IQSEC1: variants seen among roughly 807,000 people sequenced by gnomAD.
The protein encoded by IQSEC1 is IQ motif and SEC7 domain-containing protein 1.
Under a neutral mutation model 91.0 loss-of-function variants are expected in IQSEC1, and 31 were observed. The observed-to-expected ratio is 0.34, with a 90% CI of 0.26 to 0.46. IQSEC1 has a LOEUF of 0.46. Ranked by LOEUF, IQSEC1 falls within the 20% of genes least tolerant of loss-of-function variation. The probability of loss-of-function intolerance (pLI) is 1.00; values close to 1 mark genes in which losing one functional copy is unlikely to be tolerated. For missense variants in IQSEC1, 1,388 were observed against 1,575.6 expected (o/e 0.88, Z 2.02); for synonymous variants, 699 against 662.6 (o/e 1.05, Z -0.84).
At chr3:13,060,479 T>C (rs1705026872) in intron 1 of IQSEC1, among the ~76,000 whole-genome samples, 1 of 152,180 alleles carries the variant, frequency 6.6e-6, no homozygotes, top group Non-Finnish European at 1.5e-5. Flanking sequence ...TCCTGCAGTC[T>C]CAGGGCCTGA....
intron 2 of IQSEC1, among the ~76,000 whole-genome samples, chr3:13,126,744 G>T (rs1706518735): frequency 6.6e-6 from 1 of 152,106 alleles, no homozygotes; most frequent in Non-Finnish European, 1.5e-5. Context: ...ATGCCACTTT[G>T]GTTTTAATTT....
At chr3:13,130,322 C>T (rs1211698241) in intron 2 of IQSEC1, among the ~76,000 whole-genome samples, 2 of 124,916 alleles carry the variant, frequency 1.6e-5, no homozygotes, top group South Asian at 2.5e-4. Context: ...GCAGCCTGGG[C>T]GACAGAACGA....
chr3:13,073,137 A>G lies in IQSEC1; in HGVS notation c.-123T>C. On this transcript the variant is annotated 5_prime_UTR_variant, in exon 1 of 14. Transcript: ENST00000613206. The stretch of plus-strand genomic sequence containing the variant: ...GGGAATAAAATTAAATCGCGGGGCG[A>G]GTCACATTCCCGGGGGTGGCGGGCT... 3 of 990,180 alleles carry G rather than the reference A, an allele frequency of 3.0e-6. No homozygotes were observed. Among genetic ancestry groups the G allele is most frequent in the Admixed American group, 2.3e-5 (1 of 43,826 alleles). 61.3% of individuals were successfully genotyped at this position (990,180 alleles called of 1,614,324 possible).
chr3:13,033,545 T>A (rs1170888704), intron 1 of IQSEC1, among the ~76,000 whole-genome samples: 1 of 152,130 alleles, frequency 6.6e-6, no homozygotes, highest in Non-Finnish European at 1.5e-5. Flanking sequence ...ATATATTTTT[T>A]AAAATAAGGA....
At chr3:12,944,874 C>T (rs901020401) in intron 1 of IQSEC1, among the ~76,000 whole-genome samples, 3 of 152,222 alleles carry the variant, frequency 2.0e-5, no homozygotes, top group Admixed American at 6.5e-5. Flanking sequence ...GTGGGACCCT[C>T]ACTGTGCTGC....
chr3:13,093,451 A>G (rs975539529), intron 2 of IQSEC1, among the ~76,000 whole-genome samples: 1 of 152,060 alleles, frequency 6.6e-6, no homozygotes, highest in Non-Finnish European at 1.5e-5. Context: ...CTTCCTCCAC[A>G]GGAGGAGCTG....
chr3:13,141,165 T>A (rs932408848), intron 2 of IQSEC1, among the ~76,000 whole-genome samples: 4 of 152,186 alleles, frequency 2.6e-5, no homozygotes, highest in Non-Finnish European at 1.5e-5. Flanking sequence ...AACAACAGAT[T>A]GAAACTGGGC....
chr3:12,905,258 C>T (rs1160411150), intron 12 of IQSEC1, among the ~76,000 whole-genome samples: 1 of 152,270 alleles, frequency 6.6e-6, no homozygotes. Context: ...TCTTGAAGGG[C>T]TCCCAGGATG....
intron 1 of IQSEC1, among the ~76,000 whole-genome samples, chr3:13,196,518 G>A (rs942986574): frequency 5.9e-5 from 9 of 152,194 alleles, no homozygotes; most frequent in African/African-American, 1.7e-4. Context: ...TCCTGTCACT[G>A]CAGCATTTCC....
At chr3:13,039,102 C>T (rs1704155827) in intron 1 of IQSEC1, among the ~76,000 whole-genome samples, 1 of 152,238 alleles carries the variant, frequency 6.6e-6, no homozygotes, top group African/African-American at 2.4e-5. Context: ...TGAACTATTT[C>T]ATTAACCAAA....
intron 1 of IQSEC1, among the ~76,000 whole-genome samples, chr3:13,230,625 G>A (rs1694825509): frequency 1.3e-5 from 2 of 151,898 alleles, no homozygotes; most frequent in South Asian, 2.1e-4. Context: ...CTGAAGCTGT[G>A]TTTCATCACC....
intron 1 of IQSEC1, among the ~76,000 whole-genome samples, chr3:13,171,133 G>A (rs912262940): frequency 4.6e-5 from 7 of 151,886 alleles, no homozygotes; most frequent in Admixed American, 1.3e-4. Context: ...AGAAAGCCTT[G>A]TGCCCTTCAT....
At chr3:12,910,658 G>A (rs1483054701) in intron 10 of IQSEC1, among the ~76,000 whole-genome samples, 1 of 152,220 alleles carries the variant, frequency 6.6e-6, no homozygotes, top group African/African-American at 2.4e-5. Flanking sequence ...GGGAGTGCAG[G>A]GTCTCCTACC....
At position 13,211,786 on chromosome 3, in the gene IQSEC1, T is replaced by C. The variant is rs1694453207; in HGVS notation, c.273-47653A>G. ...GGAAGGCCCTCTCTCCCTGCCCCCA[T>C]CCTGGCAGATGAAATCCCTAAAAGC... On this transcript the variant is annotated intron_variant, in intron 1 of 15. Transcript: ENST00000648114. The surrounding 1 kb of genome is among the most constrained non-coding windows in gnomAD (Gnocchi z 5.3). Among the ~76,000 whole-genome samples, 1 of 151,988 alleles carries C rather than the reference T, an allele frequency of 6.6e-6. No homozygotes were observed. Among genetic ancestry groups the C allele is most frequent in the African/African-American group, 2.4e-5 (1 of 41,354 alleles).
intron 1 of IQSEC1, among the ~76,000 whole-genome samples, chr3:13,180,854 C>T (rs999716666): frequency 3.3e-5 from 5 of 152,012 alleles, no homozygotes; most frequent in African/African-American, 7.3e-5. Context: ...CGAACACATT[C>T]GAACATCAGA....
intron 1 of IQSEC1, among the ~76,000 whole-genome samples, chr3:13,205,737 T>G (rs1694332211): frequency 6.7e-6 from 1 of 149,668 alleles, no homozygotes. Context: ...TATCCCTTCA[T>G]CCACCCATCC....
chr3:13,262,018 C>T (rs1418269442), intron 1 of IQSEC1, among the ~76,000 whole-genome samples: 1 of 152,238 alleles, frequency 6.6e-6, no homozygotes, highest in Non-Finnish European at 1.5e-5. Flanking sequence ...CATTTTTGCA[C>T]TCACTGCTGT....
In IQSEC1 at chr3:13,282,325, T is replaced by C. The variant is rs1421428148; in HGVS notation, c.272+386A>G. On this transcript the variant is annotated intron_variant, in intron 1 of 15. Coordinates refer to the IQSEC1 transcript ENST00000648114. The surrounding 1 kb of genome is among the most constrained non-coding windows in gnomAD (Gnocchi z 6.4). Reference sequence around the variant, plus strand: ...CCCTCCCTACCGGTCTCGGGATCTCTGGGTCGGAAGTTCTCGCCCTGCTGC... The same window carrying C: ...CCCTCCCTACCGGTCTCGGGATCTCCGGGTCGGAAGTTCTCGCCCTGCTGC... 6.6e-6 allele frequency among the ~76,000 whole-genome samples: 1 copy of C among 152,074 alleles called. No homozygotes were observed. The highest frequency in any genetic ancestry group is 2.4e-5 in the African/African-American group (1 of 41,396).
At chr3:12,966,113 G>A (rs556739171) in intron 1 of IQSEC1, among the ~76,000 whole-genome samples, 2 of 152,320 alleles carry the variant, frequency 1.3e-5, no homozygotes, top group South Asian at 4.1e-4. Context: ...GTGTGTGTGG[G>A]ATATGAATAA....
Sources: allele counts gnomAD v4.1 joint callset (sites outside exome capture counted in the v4.1 genomes callset), GRCh38; gene constraint gnomAD v4.1.1; non-coding constraint Gnocchi (gnomAD v3.1); transcripts MANE v1.5; gene names NCBI Gene and HGNC (gene_info 2026-07-23, HGNC 2026-07-21).